CARD14: variants seen among roughly 807,000 people sequenced by gnomAD.
CARD14 encodes the protein caspase recruitment domain family member 14.
Under a neutral mutation model 111.5 loss-of-function variants are expected in CARD14, and 107 were observed. The observed-to-expected ratio is 0.96, with a 90% CI of 0.82 to 1.13. The LOEUF (loss-of-function observed/expected upper bound fraction) is 1.13, where lower values mean the gene tolerates loss of function less well. CARD14 is among the 50% of genes most tolerant of loss of function. The pLI is 0.00. For missense variants in CARD14, 1,322 were observed against 1,362.3 expected (o/e 0.97, Z 0.47); for synonymous variants, 617 against 579.6 (o/e 1.06, Z -0.93).
chr17:80,172,196 G>A (rs1429710305), intron 1 of CARD14, among the ~76,000 whole-genome samples: 1 of 152,230 alleles, frequency 6.6e-6, no homozygotes, highest in Non-Finnish European at 1.5e-5. Context: ...TAATCACAAG[G>A]CCATTGGCCC....
intron 12 of CARD14, among the ~76,000 whole-genome samples, chr17:80,193,367 A>G (rs1197967543): frequency 6.6e-6 from 1 of 152,190 alleles, no homozygotes; most frequent in African/African-American, 2.4e-5. Context: ...GACCTGGCAC[A>G]GACAGTCCCC....
At chr17:80,187,832 G>T in intron 7 of CARD14, 1 of 985,480 alleles carries the variant, frequency 1.0e-6, no homozygotes, top group Non-Finnish European at 1.2e-6. Context: ...GGACCTGGTG[G>T]GATAGTCCCT....
Position 80,170,795 on chromosome 17 carries a change from GTCCCCTCCCCTCCT to G in CARD14, c.-690+740_-690+753del, listed in dbSNP as rs1567860477. The stretch of plus-strand genomic sequence containing the variant: ...CTCCCCTCCCGTCCCCTCCCCTCCC[GTCCCCTCCCCTCCT>G]CTCCCCTCCCCTCCTCTCCCCTCTC... On this transcript the variant is annotated intron_variant, in intron 1 of 23. Coordinates refer to ENST00000648509, the MANE Select transcript of CARD14 (RefSeq NM_001366385.1). 1.5e-4 allele frequency among the ~76,000 whole-genome samples: 3 copies of G among 20,058 alleles called. No individual in the cohort carries two copies. In the East Asian group the frequency reaches 6.2e-3, roughly 42 times the overall value. The allele number at this position is 20,058 out of a possible 152,430, so 13.2% of individuals were successfully genotyped here.
At position 80,191,328 on chromosome 17, in the gene CARD14, C is replaced by T; in HGVS notation, c.1095C>T (p.Tyr365=). 1 of 1,611,946 alleles carries T rather than the reference C, an allele frequency of 6.2e-7. No homozygotes were observed. Among genetic ancestry groups the T allele is most frequent in the Non-Finnish European group, 8.5e-7 (1 of 1,178,368 alleles). Residue 365 remains tyrosine (Y), a synonymous_variant, in exon 11 of 24, where the codon TAC becomes TAT. Transcript: ENST00000648509. ...CELQKERDQA[Y]SARDSAQREI... ...ACTCCCGTCGTGGCCCACAGGCGTA[C>T]TCCGCGAGGGACAGTGCTCAGAGGG...
At position 80,189,964 on chromosome 17, in the gene CARD14, A is replaced by G. The variant is rs2040467994; in HGVS notation, c.963+92A>G. 1 of 1,483,768 alleles carries G rather than the reference A, an allele frequency of 6.7e-7. No homozygotes were observed. Among genetic ancestry groups the G allele is most frequent in the Middle Eastern group, 1.7e-4 (1 of 5,732 alleles). 91.9% of individuals were successfully genotyped at this position (1,483,768 alleles called of 1,614,324 possible). A position where few individuals can be genotyped will look rare whatever the true frequency, so the allele number is the denominator to read the frequency against. Reference sequence around the variant, plus strand: ...GTGGGGAAGCCAGATTCCTTCATCCACGCCGAGCTCACATAATTTTGCTGA... The same window carrying G: ...GTGGGGAAGCCAGATTCCTTCATCCGCGCCGAGCTCACATAATTTTGCTGA... On this transcript the variant is annotated intron_variant, in intron 9 of 23. Transcript: ENST00000648509. This position sits in a 1 kb window ranked among gnomAD's most constrained non-coding sequence, Gnocchi z 4.7.
rs533177833 is a variant in CARD14 at position 80,182,117 on chromosome 17, G to A, written c.211+468G>A. On this transcript the variant is annotated intron_variant, in intron 5 of 23. Coordinates refer to ENST00000648509, the MANE Select transcript of CARD14 (RefSeq NM_001366385.1). This position sits in a 1 kb window ranked among gnomAD's most constrained non-coding sequence, Gnocchi z 4.7. ...CATGATAATGTTCATGCATGTTGGCGTACGAACCCCAAACACAGGAGAGAT... is the reference window on the plus strand; with the variant it reads ...CATGATAATGTTCATGCATGTTGGCATACGAACCCCAAACACAGGAGAGAT... 2.0e-5 allele frequency among the ~76,000 whole-genome samples: 3 copies of A among 152,338 alleles called. No homozygotes were observed. In the South Asian group the frequency reaches 6.2e-4, roughly 32 times the overall value.
At chr17:80,176,330 A>T (rs2040025984) in intron 2 of CARD14, among the ~76,000 whole-genome samples, 1 of 150,348 alleles carries the variant, frequency 6.7e-6, no homozygotes, top group African/African-American at 2.5e-5. Flanking sequence ...ATTCCCAGAT[A>T]CTCCGGAGGC....
At chr17:80,187,749 C>T (rs537392288) in intron 7 of CARD14, 197 of 985,450 alleles carry the variant, frequency 2.0e-4, no homozygotes, top group African/African-American at 4.2e-4. Flanking sequence ...ACACCCAGGA[C>T]GGGAAGAGGG....
At chr17:80,199,085 G>A (rs375447782) in intron 16 of CARD14, among the ~76,000 whole-genome samples, 19 of 152,124 alleles carry the variant, frequency 1.2e-4, no homozygotes, top group African/African-American at 4.3e-4. Flanking sequence ...AAGTAGCTGG[G>A]ACCAGACCAC....
rs542158339 is a variant in CARD14 at position 80,194,827 on chromosome 17, C to T, written c.1357-364C>T. Among the ~76,000 whole-genome samples the T allele has an allele frequency of 2.0e-5, 3 of 152,294 alleles. No homozygotes were observed. The South Asian group carries it at 6.2e-4, about 32-fold the overall frequency. On this transcript the variant is annotated intron_variant, in intron 12 of 23. Transcript: ENST00000648509. ...TATCTCCACCTGGTCCCACCTTTGA[C>T]ATGTGGGGATTATTACAATTCAAGG...
At chr17:80,199,774 G>T (rs1338179008) in intron 16 of CARD14, among the ~76,000 whole-genome samples, 2 of 151,320 alleles carry the variant, frequency 1.3e-5, no homozygotes, top group Non-Finnish European at 2.9e-5. Flanking sequence ...TACTCAGGAG[G>T]CTGAGGCAGG....
At chr17:80,200,767 A>G in intron 16 of CARD14, 1 of 158,574 alleles carries the variant, frequency 6.3e-6, no homozygotes, top group South Asian at 2.0e-4. Context: ...GGGAGCCCTG[A>G]GCTTGTTTTC....
At chr17:80,174,243 C>T (rs1055589540) in intron 2 of CARD14, among the ~76,000 whole-genome samples, 4 of 152,148 alleles carry the variant, frequency 2.6e-5, no homozygotes, top group Non-Finnish European at 5.9e-5. Context: ...GATGGAGTCT[C>T]GGTCTGTCTC....
In CARD14 at chr17:80,198,950, T is replaced by C. The variant is rs1307799126; in HGVS notation, c.1851+359T>C. 1.8e-6 allele frequency: 2 copies of C among 1,116,388 alleles called. No homozygotes were observed. Among genetic ancestry groups the C allele is most frequent in the East Asian group, 1.2e-4 (2 of 17,310 alleles). 69.2% of individuals were successfully genotyped at this position (1,116,388 alleles called of 1,614,324 possible). A position where few individuals can be genotyped will look rare whatever the true frequency, so the allele number is the denominator to read the frequency against. On this transcript the variant is annotated intron_variant, in intron 16 of 23. Coordinates refer to ENST00000648509, the MANE Select transcript of CARD14 (RefSeq NM_001366385.1). The surrounding 1 kb of genome is among the most constrained non-coding windows in gnomAD (Gnocchi z 7.5). ...CTGGGGCATTTCTTTTCTTTCTTTT[T>C]TTTTGTTTGTTGTTTTGAAACAGGG...
chr17:80,206,421 C>A (rs899824272), intron 22 of CARD14, among the ~76,000 whole-genome samples: 1 of 152,182 alleles, frequency 6.6e-6, no homozygotes, highest in East Asian at 1.9e-4. Context: ...TGAGACCAGC[C>A]TGAGCAACAC....
rs2040779298 is a variant in CARD14, at chr17:80,198,011, G to A, written c.1595-88G>A. ...CAGCAGTGGGGTGACCAAGATCTGT[G>A]AAGAAGGGGCTGAGGTTACAGGAGG... On this transcript the variant is annotated intron_variant, in intron 14 of 23. Transcript: ENST00000648509. The surrounding 1 kb of genome is among the most constrained non-coding windows in gnomAD (Gnocchi z 7.5). The A allele has an allele frequency of 7.4e-7, 1 of 1,353,700 alleles. No homozygotes were observed. Among genetic ancestry groups the A allele is most frequent in the Non-Finnish European group, 1.1e-6 (1 of 947,132 alleles). The allele number at this position is 1,353,700 out of a possible 1,614,324, so 83.9% of individuals were successfully genotyped here.
In CARD14 at chr17:80,188,674, C is replaced by G; in HGVS notation, c.843+130C>G. 1 of 951,540 alleles carries G rather than the reference C, an allele frequency of 1.1e-6. No individual in the cohort carries two copies. Among genetic ancestry groups the G allele is most frequent in the Non-Finnish European group, 1.4e-6 (1 of 711,754 alleles). The allele number at this position is 951,540 out of a possible 1,614,324, so 58.9% of individuals were successfully genotyped here. ...CAAGAGATGAAATTTAGTGACTCATCTCACCCACTTTCTCTTTACCTCCTT... is the reference window on the plus strand; with the variant it reads ...CAAGAGATGAAATTTAGTGACTCATGTCACCCACTTTCTCTTTACCTCCTT... On this transcript the variant is annotated intron_variant, in intron 8 of 23. Coordinates refer to ENST00000648509, the MANE Select transcript of CARD14 (RefSeq NM_001366385.1). This position sits in a 1 kb window ranked among gnomAD's most constrained non-coding sequence, Gnocchi z 4.5.
At position 80,189,212 on chromosome 17, in the gene CARD14, C is replaced by T. The variant is rs1437847037; in HGVS notation, c.844-541C>T. On this transcript the variant is annotated intron_variant, in intron 8 of 23. Coordinates refer to ENST00000648509, the MANE Select transcript of CARD14 (RefSeq NM_001366385.1). The surrounding 1 kb of genome is among the most constrained non-coding windows in gnomAD (Gnocchi z 4.7). ...TTTCTGCCTGGAAAGACTCCGCCCTCTGGGCCTCAGGTGCACTGGAGAGAG... is the reference window on the plus strand; with the variant it reads ...TTTCTGCCTGGAAAGACTCCGCCCTTTGGGCCTCAGGTGCACTGGAGAGAG... 2.6e-5 allele frequency among the ~76,000 whole-genome samples: 4 copies of T among 152,236 alleles called. No homozygotes were observed. The highest frequency in any genetic ancestry group is 4.4e-5 in the Non-Finnish European group (3 of 68,036).
At chr17:80,192,765 A>G in intron 12 of CARD14, 146 bp downstream of exon 12, 1 of 568,450 alleles carries the variant, frequency 1.8e-6, no homozygotes, top group Non-Finnish European at 3.1e-6. Flanking sequence ...ATTTTATTTT[A>G]TTTTTTGAGA....
Sources: allele counts gnomAD v4.1 joint callset (sites outside exome capture counted in the v4.1 genomes callset), GRCh38; gene constraint gnomAD v4.1.1; non-coding constraint Gnocchi (gnomAD v3.1); transcripts MANE v1.5; gene names NCBI Gene and HGNC (gene_info 2026-07-23, HGNC 2026-07-21).